The following ZNF385D variants were observed in gnomAD, a reference collection of about 807,000 sequenced individuals.
ZNF385D encodes zinc finger protein 659.
ZNF385D carries 15 observed loss-of-function variants against 35.8 expected under a neutral mutation model. The ratio of observed to expected loss-of-function variants is 0.42; its 90% confidence interval spans 0.28 to 0.64. The LOEUF (loss-of-function observed/expected upper bound fraction) is 0.64, where lower values mean the gene tolerates loss of function less well. ZNF385D is among the 30% of genes least tolerant of loss of function. The probability of loss-of-function intolerance (pLI) is 0.23; values close to 1 mark genes in which losing one functional copy is unlikely to be tolerated. For missense variants in ZNF385D, 474 were observed against 494.6 expected (o/e 0.96, Z 0.39); for synonymous variants, 212 against 186.8 (o/e 1.13, Z -1.10).
intron 3 of ZNF385D, among the ~76,000 whole-genome samples, chr3:21,949,304 CTG>C (rs910452410): frequency 3.9e-5 from 6 of 152,112 alleles, no homozygotes; most frequent in Admixed American, 3.9e-4. Flanking sequence ...GTGTTTGTGT[CTG>C]TGTGTGCACA....
At chr3:21,447,996 T>C (rs1702246548) in intron 4 of ZNF385D, among the ~76,000 whole-genome samples, 1 of 152,194 alleles carries the variant, frequency 6.6e-6, no homozygotes, top group Non-Finnish European at 1.5e-5. Flanking sequence ...CTCAGGCATT[T>C]TGTTGTATGT....
At chr3:21,496,575 C>CAT (rs143429178) in intron 4 of ZNF385D, among the ~76,000 whole-genome samples, 66,080 of 139,800 alleles carry the variant, frequency 0.47, 16,227 homozygotes, top group East Asian at 0.63. Context: ...ATATATATAT[C>CAT]ATATATATAT....
chr3:21,946,884 C>A (rs1274359372), intron 3 of ZNF385D, among the ~76,000 whole-genome samples: 11 of 152,132 alleles, frequency 7.2e-5, no homozygotes, highest in African/African-American at 2.4e-4. Flanking sequence ...TTTGAAGCAT[C>A]TTCCACAAAA....
chr3:21,670,315 A>C lies in ZNF385D; in HGVS notation c.23-5287T>G, dbSNP rs191467179. Among the ~76,000 whole-genome samples the C allele has an allele frequency of 9.7e-4, 147 of 151,892 alleles. No homozygotes were observed. In the Middle Eastern group the frequency reaches 0.021, roughly 22 times the overall value. ...TGACATAAATACTTATGTTGAAATT[A>C]TGTGTTTTTCAATAATAAGCTATGA... On this transcript the variant is annotated intron_variant, in intron 1 of 7. Transcript: ENST00000281523.
chr3:22,145,724 A>C (rs183705252), intron 3 of ZNF385D, among the ~76,000 whole-genome samples: 1 of 152,298 alleles, frequency 6.6e-6, no homozygotes, highest in Non-Finnish European at 1.5e-5. Context: ...AAGAATAAAT[A>C]AAGATTTAAC....
At chr3:21,684,154 G>A (rs894438284) in intron 1 of ZNF385D, among the ~76,000 whole-genome samples, 1 of 149,470 alleles carries the variant, frequency 6.7e-6, no homozygotes, top group African/African-American at 2.5e-5. Flanking sequence ...AAACATCACT[G>A]TCTCCTGTAA....
At chr3:22,322,794 CTCT>C (rs765682998) in intron 2 of ZNF385D, among the ~76,000 whole-genome samples, 6 of 152,142 alleles carry the variant, frequency 3.9e-5, no homozygotes, top group Non-Finnish European at 8.8e-5. Flanking sequence ...TTGTTTTAAA[CTCT>C]TCTTCTGAAT....
chr3:21,959,114 C>T (rs1208591558), intron 3 of ZNF385D, among the ~76,000 whole-genome samples: 1 of 152,118 alleles, frequency 6.6e-6, no homozygotes, highest in Non-Finnish European at 1.5e-5. Context: ...ACATAAATGT[C>T]ATTGCACTTA....
Position 22,111,445 on chromosome 3 carries a change from G to C in ZNF385D, c.325+57372C>G, listed in dbSNP as rs116086700. 2.0e-5 allele frequency among the ~76,000 whole-genome samples: 3 copies of C among 152,120 alleles called. No homozygotes were observed. In the East Asian group the frequency reaches 5.8e-4, roughly 30 times the overall value. On this transcript the variant is annotated intron_variant, in intron 3 of 5. Coordinates refer to the ZNF385D transcript ENST00000494108. ...AAAGTGAGCCCTACCACAGGGATTG[G>C]CAAACTACTGGGGTACGCACATGGT... is the stretch of plus-strand genomic sequence containing the variant.
At chr3:21,999,368 T>A (rs1394362838) in intron 3 of ZNF385D, among the ~76,000 whole-genome samples, 1 of 152,106 alleles carries the variant, frequency 6.6e-6, no homozygotes, top group Non-Finnish European at 1.5e-5. Context: ...TATAGACAAC[T>A]TTGAATGCAA....
intron 3 of ZNF385D, among the ~76,000 whole-genome samples, chr3:21,895,781 TAAAAG>T (rs931534833): frequency 6.6e-6 from 1 of 151,958 alleles, no homozygotes; most frequent in Non-Finnish European, 1.5e-5. Context: ...AGCTAAATGA[TAAAAG>T]AAAGTGAATA....
chr3:21,484,268 C>T (rs1704860761), intron 4 of ZNF385D, among the ~76,000 whole-genome samples: 1 of 152,108 alleles, frequency 6.6e-6, no homozygotes, highest in Non-Finnish European at 1.5e-5. Flanking sequence ...ACTTGCTAAC[C>T]CTCTAGGGTG....
intron 3 of ZNF385D, among the ~76,000 whole-genome samples, chr3:21,559,742 T>A (rs566047046): frequency 6.6e-6 from 1 of 152,354 alleles, no homozygotes; most frequent in East Asian, 1.9e-4. Flanking sequence ...CTGGATAATA[T>A]TCTGAAGAGT....
intron 1 of ZNF385D, among the ~76,000 whole-genome samples, chr3:21,734,285 G>GGT (rs1553647367): frequency 6.7e-6 from 1 of 148,794 alleles, no homozygotes; most frequent in African/African-American, 2.5e-5. Flanking sequence ...AACACTCAGG[G>GGT]TTTTTTTTTT....
At chr3:21,810,537 T>C in intron 3 of ZNF385D, among the ~76,000 whole-genome samples, 1 of 152,016 alleles carries the variant, frequency 6.6e-6, no homozygotes, top group South Asian at 2.1e-4. Flanking sequence ...AAACTATATA[T>C]GTGTGTGTAT....
chr3:22,290,790 G>A (rs1170237239), intron 2 of ZNF385D, among the ~76,000 whole-genome samples: 1 of 152,102 alleles, frequency 6.6e-6, no homozygotes, highest in African/African-American at 2.4e-5. Context: ...TATTTGGTGT[G>A]TTGATGGAAC....
At chr3:22,074,781 T>C (rs1576271769) in intron 3 of ZNF385D, among the ~76,000 whole-genome samples, 1 of 151,962 alleles carries the variant, frequency 6.6e-6, no homozygotes, top group East Asian at 1.9e-4. Flanking sequence ...CACTTTCCCT[T>C]CTCATGATAA....
chr3:21,895,567 C>G (rs1699093852), intron 3 of ZNF385D, among the ~76,000 whole-genome samples: 4 of 150,702 alleles, frequency 2.7e-5, no homozygotes, highest in Admixed American at 2.6e-4. Context: ...TCTCAAACCC[C>G]TGACCTCAAG....
intron 3 of ZNF385D, among the ~76,000 whole-genome samples, chr3:21,823,436 AAC>A (rs34652539): frequency 6.6e-6 from 1 of 151,228 alleles, no homozygotes; most frequent in African/African-American, 2.4e-5. Context: ...AAGCCCCCCA[AAC>A]ACACACACAC....
Sources: gnomAD v4.1 joint callset for allele counts (sites outside exome capture counted in the v4.1 genomes callset) on GRCh38, gnomAD v4.1.1 for gene constraint, MANE v1.5 for transcripts, NCBI Gene and HGNC (gene_info 2026-07-23, HGNC 2026-07-21) for gene names.